IL4R: variants seen among roughly 807,000 people sequenced by gnomAD.
IL4R encodes interleukin 4 receptor, also known as interleukin-4 receptor subunit alpha.
Under a neutral mutation model 41.5 loss-of-function variants are expected in IL4R, and 17 were observed. That is an observed-to-expected ratio of 0.41 (90% confidence interval 0.28 to 0.61). The LOEUF (loss-of-function observed/expected upper bound fraction) is 0.61, where lower values mean the gene tolerates loss of function less well. IL4R is among the 20% of genes least tolerant of loss of function. The pLI, the probability that IL4R is intolerant of heterozygous loss-of-function variation, is 0.31. For synonymous variants in IL4R, 402 were observed against 422.9 expected, an observed-to-expected ratio of 0.95 and a Z score of 0.61; for missense variants, 974 against 1,043.1, an observed-to-expected ratio of 0.93 and a Z score of 0.91.
chr16:27,352,520 A>T lies in IL4R; in HGVS notation c.514-20A>T. On this transcript the variant is annotated intron_variant, in intron 6 of 10. Transcript: ENST00000395762. ...CCTCGCCCCCGGCTGGTGCCCTAAC[A>T]TCTCCCTTTTCTCTACCAGTTCAGA... The T allele has an allele frequency of 6.2e-7, 1 of 1,611,106 alleles. No individual in the cohort carries two copies. The highest frequency in any genetic ancestry group is 8.5e-7 in the Non-Finnish European group (1 of 1,177,628).
chr16:27,318,100 C>T (rs1220549697), intron 1 of IL4R, among the ~76,000 whole-genome samples: 2 of 152,044 alleles, frequency 1.3e-5, no homozygotes, highest in South Asian at 2.1e-4. Context: ...TTCTGAAAAC[C>T]GAAAGTTTTT....
intron 1 of IL4R, among the ~76,000 whole-genome samples, chr16:27,323,599 A>G (rs1198876847): frequency 6.6e-6 from 1 of 151,392 alleles, no homozygotes; most frequent in Non-Finnish European, 1.5e-5. Flanking sequence ...TATTAATTGT[A>G]TCTGCAATGC....
At chr16:27,323,859 A>G (rs1440237227) in intron 1 of IL4R, among the ~76,000 whole-genome samples, 1 of 151,894 alleles carries the variant, frequency 6.6e-6, no homozygotes, top group East Asian at 1.9e-4. Context: ...GGGTCTTGCC[A>G]TGTTACCCAG....
At chr16:27,354,834 C>T (rs1294850786) in intron 7 of IL4R, among the ~76,000 whole-genome samples, 5 of 152,244 alleles carry the variant, frequency 3.3e-5, no homozygotes, top group Admixed American at 1.3e-4. Flanking sequence ...AGTTGAGCCA[C>T]GTGTCTCCTG....
chr16:27,314,054 C>A (rs2084548982), intron 1 of IL4R, 34 bp downstream of exon 1: 1 of 984,912 alleles, frequency 1.0e-6, no homozygotes, highest in African/African-American at 1.8e-5. Flanking sequence ...GATCGGGTTG[C>A]GAAGGTATCG....
chr16:27,314,201 G>A, intron 1 of IL4R, 181 bp downstream of exon 1: 2 of 800,770 alleles, frequency 2.5e-6, no homozygotes, highest in Middle Eastern at 6.6e-4. Flanking sequence ...CGTCCTTGCC[G>A]CCGAACGGCA....
At chr16:27,354,760 G>T (rs1014329437) in intron 7 of IL4R, among the ~76,000 whole-genome samples, 1 of 152,182 alleles carries the variant, frequency 6.6e-6, no homozygotes, top group African/African-American at 2.4e-5. Context: ...GTGGCAGCTG[G>T]CAGTACCCTG....
At position 27,358,275 on chromosome 16, in the gene IL4R, C is replaced by T. The variant is rs149096499; in HGVS notation, c.771-641C>T. ...TTCACCAAGGCAGGCATCTTTGTCTCGTTCACTGTTGTGGCCTCAGGGCCA... is the reference window on the plus strand; with the variant it reads ...TTCACCAAGGCAGGCATCTTTGTCTTGTTCACTGTTGTGGCCTCAGGGCCA... On this transcript the variant is annotated intron_variant, in intron 8 of 10. Transcript: ENST00000395762. Among the ~76,000 whole-genome samples the T allele has an allele frequency of 1.1e-3, 165 of 152,360 alleles. 4 individuals are homozygous for T. The highest frequency in any genetic ancestry group is 0.01 in the East Asian group (53 of 5,192).
intron 1 of IL4R, among the ~76,000 whole-genome samples, chr16:27,315,237 G>A (rs538057093): frequency 6.6e-6 from 1 of 152,362 alleles, no homozygotes; most frequent in Non-Finnish European, 1.5e-5. Context: ...AGGCTCAGGT[G>A]TAGGTTTGGC....
rs1342949492 is a variant in IL4R at position 27,345,830 on chromosome 16, G to A, written c.362-637G>A. Among the ~76,000 whole-genome samples, 1 of 152,074 alleles carries A rather than the reference G, an allele frequency of 6.6e-6. No individual in the cohort carries two copies. The highest frequency in any genetic ancestry group is 1.5e-5 in the Non-Finnish European group (1 of 68,022). ...TACTAAAAATACAAAAAATTAGTCT[G>A]GCATGGTGGCAGGCGCCTGTAATCC... On this transcript the variant is annotated intron_variant, in intron 5 of 10. Coordinates refer to ENST00000395762, the MANE Select transcript of IL4R (RefSeq NM_000418.4). The surrounding 1 kb of genome is among the most constrained non-coding windows in gnomAD (Gnocchi z 4.5).
Position 27,342,106 on chromosome 16 carries a change from C to T in IL4R, c.71-15C>T, listed in dbSNP as rs1405541047. Reference sequence around the variant, plus strand: ...GAGTTCCTGGGCCGCTCAGGCTGCTCCTGTGTCTCCCCAGGGAACATGAAG... The same window carrying T: ...GAGTTCCTGGGCCGCTCAGGCTGCTTCTGTGTCTCCCCAGGGAACATGAAG... On this transcript the variant is annotated splice_polypyrimidine_tract_variant and intron_variant, in intron 3 of 10. Transcript: ENST00000395762. 3.1e-6 allele frequency: 5 copies of T among 1,613,536 alleles called. No individual in the cohort carries two copies. The highest frequency in any genetic ancestry group is 4.2e-6 in the Non-Finnish European group (5 of 1,179,740).
chr16:27,359,703 TG>T (rs1204715575), intron 9 of IL4R: 12 of 421,596 alleles, frequency 2.8e-5, no homozygotes, highest in Non-Finnish European at 6.0e-5. Context: ...TTTCCTCTTG[TG>T]GGTTATAACA....
At chr16:27,340,444 C>T (rs1280217366) in intron 3 of IL4R, among the ~76,000 whole-genome samples, 171 bp downstream of exon 3, 3 of 152,104 alleles carry the variant, frequency 2.0e-5, no homozygotes, top group Non-Finnish European at 4.4e-5. Context: ...TGATGGGAGC[C>T]GGGTGCAGTG....
At position 27,362,381 on chromosome 16, in the gene IL4R, A is replaced by G; in HGVS notation, c.1029A>G (p.Pro343=). The change falls in exon 11 of 11, where the codon CCA becomes CCG. Residue 343 remains proline, a synonymous_variant. Coordinates refer to ENST00000395762, the MANE Select transcript of IL4R (RefSeq NM_000418.4). ...FQGSGKSAWC[P]VEISKTVLWP... ...GCTCTGGAAAATCAGCATGGTGCCCAGTGGAGATCAGCAAGACAGTCCTCT... is the reference window on the plus strand; with the variant it reads ...GCTCTGGAAAATCAGCATGGTGCCCGGTGGAGATCAGCAAGACAGTCCTCT... 6.2e-7 allele frequency: 1 copy of G among 1,614,190 alleles called. No homozygotes were observed. Among genetic ancestry groups the G allele is most frequent in the Non-Finnish European group, 8.5e-7 (1 of 1,180,032 alleles).
At position 27,363,857 on chromosome 16, in the gene IL4R, G is replaced by A. The variant is rs776130531; in HGVS notation, c.*27G>A. Reference sequence around the variant, plus strand: ...TGCATGTCCTCTTGTTGCTGAGTCTGCAGATGAGGACTAGGGCTTATCCAT... The same window carrying A: ...TGCATGTCCTCTTGTTGCTGAGTCTACAGATGAGGACTAGGGCTTATCCAT... On this transcript the variant is annotated 3_prime_UTR_variant, in exon 11 of 11. Coordinates refer to ENST00000395762, the MANE Select transcript of IL4R (RefSeq NM_000418.4). 69 of 1,584,448 alleles carry A rather than the reference G, an allele frequency of 4.4e-5. No homozygotes were observed. The South Asian group carries it at 4.9e-4, about 11-fold the overall frequency.
At chr16:27,314,129 C>T (rs2084553387) in intron 1 of IL4R, 109 bp downstream of exon 1, 10 of 982,464 alleles carry the variant, frequency 1.0e-5, no homozygotes, top group Middle Eastern at 5.2e-4. Context: ...ACGGGGACCA[C>T]CCCGACTCCG....
At chr16:27,335,402 CTG>C (rs1405524737) in intron 2 of IL4R, among the ~76,000 whole-genome samples, 1 of 152,098 alleles carries the variant, frequency 6.6e-6, no homozygotes, top group Non-Finnish European at 1.5e-5. Context: ...AAGTCTGACT[CTG>C]TTGCCCAGGC....
chr16:27,352,747 C>A, intron 7 of IL4R, 51 bp downstream of exon 7: 1 of 1,574,706 alleles, frequency 6.4e-7, no homozygotes, highest in South Asian at 1.1e-5. Context: ...CCATTCTTCC[C>A]CTGTGGCCAG....
rs551180670 is a variant in IL4R at position 27,360,757 on chromosome 16, G to C, written c.850-9G>C. ...CTCTGCTCTTTCATTGGCTGTCTCT[G>C]TATTTTAGGGGTCACAGTGGGAGAA... On this transcript the variant is annotated splice_polypyrimidine_tract_variant and intron_variant, in intron 9 of 10. Transcript: ENST00000395762. 211 of 1,614,122 alleles carry C rather than the reference G, an allele frequency of 1.3e-4. 4 individuals carry two copies. The South Asian group carries it at 1.5e-3, about 12-fold the overall frequency.
Sources: allele counts gnomAD v4.1 joint callset (sites outside exome capture counted in the v4.1 genomes callset), GRCh38; gene constraint gnomAD v4.1.1; non-coding constraint Gnocchi (gnomAD v3.1); transcripts MANE v1.5; gene names NCBI Gene and HGNC (gene_info 2026-07-23, HGNC 2026-07-21).